The following XIAP variants were observed in gnomAD, a reference collection of about 807,000 sequenced individuals.
The protein encoded by XIAP is X-linked inhibitor of apoptosis.
Under a neutral mutation model 33.1 loss-of-function variants are expected in XIAP, and 3 were observed. The ratio of observed to expected loss-of-function variants is 0.09; its 90% confidence interval spans 0.04 to 0.23. The LOEUF is 0.23. Ranked by LOEUF, XIAP falls within the 10% of genes least tolerant of loss-of-function variation. The pLI is 1.00. For missense variants in XIAP, 264 were observed against 363.0 expected (o/e 0.73, Z 2.22); for synonymous variants, 98 against 121.3 (o/e 0.81, Z 1.26).
chrX:123,864,317 G>A (rs900612340), intron 1 of XIAP, among the ~76,000 whole-genome samples: 13 of 109,834 alleles, frequency 1.2e-4, no homozygotes, highest in African/African-American at 4.0e-4. Context: ...TTTAAGTCTG[G>A]TAGGTAGTAT....
Position 123,910,278 on chromosome X carries a change from GGTGTAGTGA to G in XIAP, c.*3103_*3111del. ...TTACGGGCTAAGGTAGGGTAGAGTGGGTGTAGTGAGTGTATATAATGTGATTTGGCCCTG... is the reference window on the plus strand; with the variant it reads ...TTACGGGCTAAGGTAGGGTAGAGTGGGTGTATATAATGTGATTTGGCCCTG... On this transcript the variant is annotated 3_prime_UTR_variant, in exon 7 of 7. Coordinates refer to ENST00000371199, the MANE Select transcript of XIAP (RefSeq NM_001167.4). The G allele has an allele frequency of 3.0e-6, 1 of 328,820 alleles. No individual in the cohort carries two copies. The highest frequency in any genetic ancestry group is 5.9e-6 in the Non-Finnish European group (1 of 169,784). The allele number at this position is 328,820 out of a possible 1,213,427, so 27.1% of individuals were successfully genotyped here.
intron 1 of XIAP, among the ~76,000 whole-genome samples, chrX:123,885,346 TCA>T (rs2053341877): frequency 8.9e-6 from 1 of 112,046 alleles, no homozygotes; most frequent in African/African-American, 3.2e-5. Context: ...ATATTCTGCA[TCA>T]CAGTTTACAT....
rs28382734 is a variant in XIAP at position 123,893,714 on chromosome X, G to A, written c.1099+941G>A. On this transcript the variant is annotated intron_variant, in intron 5 of 6. Transcript: ENST00000371199. ...AAATTAGCCGGGCGTGATGGTGTGC[G>A]CCTGTAATTCCAGCTACTCGGGAGG... Among the ~76,000 whole-genome samples the A allele has an allele frequency of 4.7e-3, 523 of 111,150 alleles. 3 individuals carry two copies. Among genetic ancestry groups the A allele is most frequent in the African/African-American group, 0.016 (489 of 30,670 alleles).
Position 123,910,265 on chromosome X carries a change from G to A in XIAP, c.*3084G>A. 2 of 329,504 alleles carry A rather than the reference G, an allele frequency of 6.1e-6. No individual in the cohort carries two copies. The highest frequency in any genetic ancestry group is 1.2e-5 in the Non-Finnish European group (2 of 169,983). The allele number at this position is 329,504 out of a possible 1,213,427, so 27.2% of individuals were successfully genotyped here. A position where few individuals can be genotyped will look rare whatever the true frequency, so the allele number is the denominator to read the frequency against. On this transcript the variant is annotated 3_prime_UTR_variant, in exon 7 of 7. Coordinates refer to ENST00000371199, the MANE Select transcript of XIAP (RefSeq NM_001167.4). ...CCTGTCCCTTTGATTACGGGCTAAG[G>A]TAGGGTAGAGTGGGTGTAGTGAGTG... is the stretch of plus-strand genomic sequence containing the variant.
chrX:123,892,518 C>T (rs908275144), intron 4 of XIAP, among the ~76,000 whole-genome samples: 1 of 111,511 alleles, frequency 9.0e-6, no homozygotes, highest in Non-Finnish European at 1.9e-5. Flanking sequence ...TCTCCCTGGG[C>T]CTCAGCTTTT....
At chrX:123,903,957 A>AAAT (rs1046936497) in intron 6 of XIAP, among the ~76,000 whole-genome samples, 7 of 110,171 alleles carry the variant, frequency 6.4e-5, no homozygotes, top group African/African-American at 9.9e-5. Context: ...TATCTTTAAA[A>AAAT]AATAATAATA....
intron 1 of XIAP, chrX:123,872,791 T>C (rs1251299351): frequency 9.0e-6 from 1 of 111,616 alleles, no homozygotes; most frequent in Non-Finnish European, 1.9e-5. Flanking sequence ...CCAAAAGGCA[T>C]TTGTTTCTGG....
rs780652662 is a variant in XIAP, at chrX:123,888,638, G to A, written c.897G>A (p.Lys299=). The change falls in exon 3 of 7, where the codon AAG becomes AAA. Residue 299 remains lysine (K), a synonymous_variant. Coordinates refer to ENST00000371199, the MANE Select transcript of XIAP (RefSeq NM_001167.4). ...TCGTAGGTGAAGGTGATAAAGTAAA[G>A]TGCTTTCACTGTGGAGGAGGGCTAA... ...FYALGEGDKV[K]CFHCGGGLTD... 5 of 1,210,129 alleles carry A rather than the reference G, an allele frequency of 4.1e-6. No individual in the cohort carries two copies. In the East Asian group the frequency reaches 1.5e-4, roughly 36 times the overall value.
intron 1 of XIAP, among the ~76,000 whole-genome samples, chrX:123,885,391 GTT>G (rs753026930): frequency 5.0e-4 from 56 of 111,833 alleles, no homozygotes; most frequent in African/African-American, 1.7e-3. Context: ...AAAATTATTA[GTT>G]TTATTCTGCC....
chrX:123,895,784 C>T (rs1343252095), intron 5 of XIAP, among the ~76,000 whole-genome samples: 3 of 100,465 alleles, frequency 3.0e-5, no homozygotes, highest in African/African-American at 7.4e-5. Flanking sequence ...TTTTTTGAGA[C>T]GGAGTCTTGC....
At chrX:123,888,740 T>C in intron 3 of XIAP, 22 bp downstream of exon 3, 4 of 1,175,593 alleles carry the variant, frequency 3.4e-6, no homozygotes, top group Non-Finnish European at 4.6e-6. Flanking sequence ...AATTGTTCAT[T>C]GTACAGGCAA....
Position 123,912,938 on chromosome X carries a change from G to A in XIAP, c.*5757G>A, listed in dbSNP as rs1343056993. The A allele has an allele frequency of 3.1e-5, 9 of 290,316 alleles. No individual in the cohort carries two copies. Among genetic ancestry groups the A allele is most frequent in the African/African-American group, 2.0e-4 (7 of 35,756 alleles). 23.9% of individuals were successfully genotyped at this position (290,316 alleles called of 1,213,427 possible). Reference sequence around the variant, plus strand: ...TGGGATTACAGGCGTGAGCCACCACGGCCGGCTAATTTTTGTATTTTTTAG... The same window carrying A: ...TGGGATTACAGGCGTGAGCCACCACAGCCGGCTAATTTTTGTATTTTTTAG... On this transcript the variant is annotated 3_prime_UTR_variant, in exon 7 of 7. Transcript: ENST00000371199.
intron 1 of XIAP, among the ~76,000 whole-genome samples, chrX:123,872,212 T>A (rs757693876): frequency 9.0e-6 from 1 of 111,437 alleles, no homozygotes; most frequent in African/African-American, 3.3e-5. Context: ...ACTTCTTTCT[T>A]CTTACCAGGC....
chrX:123,870,526 G>T (rs1353821937), intron 1 of XIAP, among the ~76,000 whole-genome samples: 1 of 112,147 alleles, frequency 8.9e-6, no homozygotes, highest in Non-Finnish European at 1.9e-5. Flanking sequence ...CTTTCAGATA[G>T]AGTTAAATAT....
At chrX:123,884,313 G>A (rs3761518) in intron 1 of XIAP, among the ~76,000 whole-genome samples, 41,540 of 109,240 alleles carry the variant, frequency 0.38, 6,058 homozygotes, top group African/African-American at 0.47. Context: ...GAGAAACCCC[G>A]TCTCTACTAA....
At chrX:123,880,232 G>A (rs769188224) in intron 1 of XIAP, among the ~76,000 whole-genome samples, 3 of 100,546 alleles carry the variant, frequency 3.0e-5, no homozygotes, top group African/African-American at 1.1e-4. Context: ...GGCCAACATA[G>A]AGGAACCCTG....
At chrX:123,894,956 G>GTAAATAAA (rs113036397) in intron 5 of XIAP, among the ~76,000 whole-genome samples, 12 of 105,742 alleles carry the variant, frequency 1.1e-4, no homozygotes, top group East Asian at 6.1e-4. Context: ...ACATAAATAA[G>GTAAATAAA]TAAATAAATA....
Position 123,910,552 on chromosome X carries a change from A to G in XIAP, c.*3371A>G, listed in dbSNP as rs1157113578. The G allele has an allele frequency of 6.1e-6, 2 of 327,278 alleles. No homozygotes were observed. The highest frequency in any genetic ancestry group is 1.2e-5 in the Non-Finnish European group (2 of 169,683). 27.0% of individuals were successfully genotyped at this position (327,278 alleles called of 1,213,427 possible). On this transcript the variant is annotated 3_prime_UTR_variant, in exon 7 of 7. Coordinates refer to ENST00000371199, the MANE Select transcript of XIAP (RefSeq NM_001167.4). ...CAGTAGGATATACTATGGGATGTAT[A>G]TATATCATTGCTGTTAGAGAAATGA...
At chrX:123,866,483 T>TG (rs1569475666) in intron 1 of XIAP, among the ~76,000 whole-genome samples, 11 of 74,526 alleles carry the variant, frequency 1.5e-4, no homozygotes, top group Non-Finnish European at 2.7e-4. Flanking sequence ...TACAATATAT[T>TG]ATATATGATT....
Sources: allele counts gnomAD v4.1 joint callset (sites outside exome capture counted in the v4.1 genomes callset), GRCh38; gene constraint gnomAD v4.1.1; transcripts MANE v1.5; gene names NCBI Gene and HGNC (gene_info 2026-07-23, HGNC 2026-07-21).